The following CNGA1 variants were observed in gnomAD, a reference collection of about 807,000 sequenced individuals.
CNGA1 encodes cyclic nucleotide gated channel subunit alpha 1.
A neutral mutation model predicts 69.7 loss-of-function variants in CNGA1; 53 were observed. That is an observed-to-expected ratio of 0.76 (90% CI 0.61 to 0.96). CNGA1 has a LOEUF of 0.96. CNGA1 is among the 40% of genes least tolerant of loss of function. The pLI is 0.00. For synonymous variants in CNGA1, 249 were observed against 283.5 expected (o/e 0.88, Z 1.22); for missense variants, 739 against 811.2 (o/e 0.91, Z 1.08).
chr4:47,986,555 G>A (rs1186735569), intron 2 of CNGA1, among the ~76,000 whole-genome samples: 1 of 152,040 alleles, frequency 6.6e-6, no homozygotes, highest in Admixed American at 6.6e-5. Flanking sequence ...GTTTTCATGT[G>A]TGTAGAGTGT....
chr4:47,991,898 T>C (rs62300274), intron 2 of CNGA1, among the ~76,000 whole-genome samples: 1 of 151,946 alleles, frequency 6.6e-6, no homozygotes, highest in African/African-American at 2.4e-5. Flanking sequence ...TAGCCAATTA[T>C]CCAAGCACCA....
At position 47,974,068 on chromosome 4, in the gene CNGA1, CTAGATAGATAGATAGATAGATAGATAGA is replaced by C. The variant is rs66992308; in HGVS notation, c.-15+7297_-15+7324del. ...ATTAGTCAGTCTCATAACCTGGTCT[CTAGATAGATAGATAGATAGATAGATAGA>C]TAGATAGATAGATAGATAGATAGAT... On this transcript the variant is annotated intron_variant, in intron 3 of 10. Transcript: ENST00000514170. 5.5e-4 allele frequency among the ~76,000 whole-genome samples: 76 copies of C among 138,038 alleles called. 2 individuals carry two copies. The East Asian group carries it at 0.014, about 26-fold the overall frequency. The allele number at this position is 138,038 out of a possible 152,430, so 90.6% of individuals were successfully genotyped here.
At chr4:47,943,853 T>C (rs1366990317) in intron 6 of CNGA1, among the ~76,000 whole-genome samples, 3 of 152,230 alleles carry the variant, frequency 2.0e-5, no homozygotes, top group Non-Finnish European at 4.4e-5. Flanking sequence ...CTGACTGAAG[T>C]CATTTTTCAT....
In CNGA1 at chr4:47,968,314, A is replaced by AT. The variant is rs1360938100; in HGVS notation, c.-15+13078dup. 5.9e-5 allele frequency among the ~76,000 whole-genome samples: 9 copies of AT among 152,320 alleles called. No homozygotes were observed. In the South Asian group the frequency reaches 1.9e-3, roughly 32 times the overall value. On this transcript the variant is annotated intron_variant, in intron 3 of 10. Transcript: ENST00000514170. Reference sequence around the variant, plus strand: ...GTTGAAATAACAGATATTTTTTAATATTCTAGGGGAGTTTTTTTTAATCTT... The same window carrying AT: ...GTTGAAATAACAGATATTTTTTAATATTTCTAGGGGAGTTTTTTTTAATCTT...
chr4:47,958,363 G>T (rs978588023), intron 3 of CNGA1, among the ~76,000 whole-genome samples: 2 of 151,998 alleles, frequency 1.3e-5, no homozygotes, highest in Non-Finnish European at 2.9e-5. Context: ...GGTGGCTCAC[G>T]CCTGTAATCC....
At chr4:47,971,079 TG>T (rs1740990111) in intron 3 of CNGA1, 1 of 454,192 alleles carries the variant, frequency 2.2e-6, no homozygotes, top group Admixed American at 2.4e-5. Context: ...CACTCCAGCC[TG>T]GGCGAAGAGC....
intron 3 of CNGA1, among the ~76,000 whole-genome samples, chr4:47,965,597 T>TTG (rs1740682032): frequency 6.6e-6 from 1 of 152,006 alleles, no homozygotes; most frequent in Admixed American, 6.6e-5. Context: ...CGGCTAATTT[T>TTG]TGTATTTTTA....
At chr4:47,974,071 GATAGATAGATAGATAGA>G (rs1560299731) in intron 3 of CNGA1, among the ~76,000 whole-genome samples, 16 of 49,426 alleles carry the variant, frequency 3.2e-4, no homozygotes, top group Admixed American at 1.5e-3. Context: ...CTGGTCTCTA[GATAGATAGATAGATAGA>G]TAGATAGATA....
chr4:47,988,676 T>C (rs1742095488), intron 2 of CNGA1, among the ~76,000 whole-genome samples: 1 of 152,142 alleles, frequency 6.6e-6, no homozygotes, highest in Non-Finnish European at 1.5e-5. Context: ...AATATCATAA[T>C]TTAGTAAATA....
chr4:47,951,788 A>T (rs1739756994), intron 4 of CNGA1, among the ~76,000 whole-genome samples: 1 of 152,234 alleles, frequency 6.6e-6, no homozygotes, highest in Non-Finnish European at 1.5e-5. Context: ...AGATCATATT[A>T]TACCTTTGTG....
rs10572642 is a variant in CNGA1, at chr4:47,979,320, CAAA to C, written c.-15+2070_-15+2072del. The stretch of plus-strand genomic sequence containing the variant: ...TGGGCAACAGAGCAACACTCCATCT[CAAA>C]AAAAAAAAAAAAAAAAAATCTTGGC... On this transcript the variant is annotated intron_variant, in intron 3 of 10. Transcript: ENST00000514170. Among the ~76,000 whole-genome samples the C allele has an allele frequency of 2.6e-3, 310 of 117,154 alleles. 1 individual carries two copies. Among genetic ancestry groups the C allele is most frequent in the Middle Eastern group, 9.0e-3 (2 of 222 alleles). The allele number at this position is 117,154 out of a possible 152,430, so 76.9% of individuals were successfully genotyped here.
intron 3 of CNGA1, among the ~76,000 whole-genome samples, chr4:47,953,792 G>A (rs897770394): frequency 2.0e-4 from 31 of 152,252 alleles, no homozygotes; most frequent in African/African-American, 6.5e-4. Flanking sequence ...TCTCCAGTTT[G>A]AGGGAACCCA....
intron 6 of CNGA1, among the ~76,000 whole-genome samples, chr4:47,945,368 A>T (rs1739332924): frequency 6.6e-6 from 1 of 152,190 alleles, no homozygotes; most frequent in Non-Finnish European, 1.5e-5. Flanking sequence ...TGACAAACAT[A>T]TTCCAGTAAC....
At chr4:47,955,277 G>C (rs1488615974) in intron 3 of CNGA1, among the ~76,000 whole-genome samples, 1 of 148,452 alleles carries the variant, frequency 6.7e-6, no homozygotes, top group Non-Finnish European at 1.5e-5. Flanking sequence ...CTGCCTCCTG[G>C]TTTTGAGCTG....
chr4:47,990,409 C>T (rs1485995350), intron 2 of CNGA1, among the ~76,000 whole-genome samples: 1 of 152,094 alleles, frequency 6.6e-6, no homozygotes, highest in Non-Finnish European at 1.5e-5. Context: ...TTGCAGTACC[C>T]TCAGGCTTAC....
chr4:47,937,603 G>T lies in CNGA1; in HGVS notation c.879C>A (p.Ile293=). The part of the protein sequence containing the change: ...RTETRTNYPN[I]FRISNLVMYI... ...ACATAACAAGGTTGGAAATCCTGAA[G>T]ATGTTTGGATAGTTTGTCCTTGTTT... The change falls in exon 11 of 11, where the codon ATC becomes ATA. Residue 293 remains isoleucine, a synonymous_variant. Coordinates refer to ENST00000514170, the MANE Select transcript of CNGA1 (RefSeq NM_001379270.1). 1 of 1,614,152 alleles carries T rather than the reference G, an allele frequency of 6.2e-7. No individual in the cohort carries two copies. Among genetic ancestry groups the T allele is most frequent in the Non-Finnish European group, 8.5e-7 (1 of 1,180,010 alleles).
chr4:47,982,175 C>T (rs920935259), intron 2 of CNGA1, among the ~76,000 whole-genome samples: 1 of 152,184 alleles, frequency 6.6e-6, no homozygotes, highest in African/African-American at 2.4e-5. Flanking sequence ...AGGCTACATA[C>T]TCACAAAACT....
In CNGA1 at chr4:48,016,637, T is replaced by G; in HGVS notation, c.-377A>C. 1.4e-4 allele frequency: 78 copies of G among 547,660 alleles called. No individual in the cohort carries two copies. The highest frequency in any genetic ancestry group is 1.7e-4 in the East Asian group (5 of 30,092). The allele number at this position is 547,660 out of a possible 1,614,324, so 33.9% of individuals were successfully genotyped here. A position where few individuals can be genotyped will look rare whatever the true frequency, so the allele number is the denominator to read the frequency against. ...GCCGCTCCCAGGCCTGCGGGGGCCC[T>G]GAGAATTCGCAACAAGCCCCGGGCA... On this transcript the variant is annotated 5_prime_UTR_variant, in exon 1 of 11. Transcript: ENST00000514170.
At chr4:47,950,541 C>T (rs1232657418) in intron 5 of CNGA1, among the ~76,000 whole-genome samples, 2 of 152,060 alleles carry the variant, frequency 1.3e-5, no homozygotes, top group Non-Finnish European at 2.9e-5. Context: ...AGTGAACCAA[C>T]CTCAATGCCA....
Sources: gnomAD v4.1 joint callset for allele counts (sites outside exome capture counted in the v4.1 genomes callset) on GRCh38, gnomAD v4.1.1 for gene constraint, MANE v1.5 for transcripts, NCBI Gene and HGNC (gene_info 2026-07-23, HGNC 2026-07-21) for gene names.